Variants in CUL2 observed in about 807,000 individuals in gnomAD.
CUL2 encodes cullin-2.
A neutral mutation model predicts 110.2 loss-of-function variants in CUL2; 22 were observed. That is an observed-to-expected ratio of 0.20 (90% CI 0.14 to 0.28). CUL2 has a LOEUF of 0.28. Among genes scored for constraint, CUL2 ranks in the 10% least tolerant of loss-of-function variants. The probability of loss-of-function intolerance (pLI) is 1.00; values close to 1 mark genes in which losing one functional copy is unlikely to be tolerated. For missense variants in CUL2, 631 were observed against 905.5 expected (o/e 0.70, Z 3.89); for synonymous variants, 279 against 293.2 (o/e 0.95, Z 0.49).
At chr10:35,014,488 A>C (rs2084978712) in intron 18 of CUL2, among the ~76,000 whole-genome samples, 1 of 152,186 alleles carries the variant, frequency 6.6e-6, no homozygotes, top group African/African-American at 2.4e-5. Context: ...AAGATGAAAT[A>C]ATTCTCAATA....
chr10:35,049,599 C>T (rs1300245186), intron 6 of CUL2, 84 bp downstream of exon 6: 8 of 1,081,624 alleles, frequency 7.4e-6, no homozygotes, highest in African/African-American at 1.6e-5. Flanking sequence ...AGGCTAGTCA[C>T]TGGCTCTGCA....
chr10:35,071,037 A>T (rs752298963), intron 2 of CUL2, among the ~76,000 whole-genome samples, 162 bp downstream of exon 2: 1 of 152,230 alleles, frequency 6.6e-6, no homozygotes, highest in Non-Finnish European at 1.5e-5. Flanking sequence ...AGGTTATCAA[A>T]TACTGATTGC....
chr10:35,074,401 T>C (rs2086762362), intron 1 of CUL2: 2 of 621,380 alleles, frequency 3.2e-6, no homozygotes. Flanking sequence ...CACTTGCCTT[T>C]ACCCTTACTA....
chr10:35,047,622 A>AAC (rs2085978381), intron 6 of CUL2, among the ~76,000 whole-genome samples: 2 of 150,280 alleles, frequency 1.3e-5, no homozygotes, highest in African/African-American at 4.9e-5. Flanking sequence ...AAAAAAAAAA[A>AAC]ATACAGGCAT....
Position 35,025,043 on chromosome 10 carries a change from C to T in CUL2, c.1684+89G>A, listed in dbSNP as rs1213770686. On this transcript the variant is annotated intron_variant, in intron 17 of 20. Coordinates refer to ENST00000374749, the MANE Select transcript of CUL2 (RefSeq NM_003591.4). ...TTGATGGAGGAGAAAAGGTTAAAAA[C>T]TGTAATTGGGCCATAGAAAACCTCT... The T allele has an allele frequency of 5.1e-6, 7 of 1,365,162 alleles. No homozygotes were observed. In the East Asian group the frequency reaches 1.9e-4, roughly 38 times the overall value. The allele number at this position is 1,365,162 out of a possible 1,614,324, so 84.6% of individuals were successfully genotyped here. A position where few individuals can be genotyped will look rare whatever the true frequency, so the allele number is the denominator to read the frequency against.
intron 18 of CUL2, among the ~76,000 whole-genome samples, chr10:35,015,105 C>T (rs2084993380): frequency 6.6e-6 from 1 of 151,946 alleles, no homozygotes; most frequent in Non-Finnish European, 1.5e-5. Context: ...ACCAGCCTGG[C>T]CAACATTGTG....
intron 4 of CUL2, among the ~76,000 whole-genome samples, chr10:35,057,601 C>G (rs1319730736): frequency 1.4e-5 from 2 of 144,320 alleles, no homozygotes; most frequent in East Asian, 2.0e-4. Context: ...TGCAGTGAGC[C>G]GAGATCGTGC....
At chr10:35,077,398 TGAG>T (rs1158279820) in intron 1 of CUL2, among the ~76,000 whole-genome samples, 2 of 151,332 alleles carry the variant, frequency 1.3e-5, no homozygotes, top group Non-Finnish European at 2.9e-5. Flanking sequence ...CTCAAGAGGC[TGAG>T]GAGGAGAATC....
chr10:35,117,121 A>T (rs556089387), intron 1 of CUL2, among the ~76,000 whole-genome samples: 14 of 152,322 alleles, frequency 9.2e-5, no homozygotes, highest in African/African-American at 3.1e-4. Flanking sequence ...AGGACAAAAA[A>T]CTGGTCCAAA....
At position 35,090,193 on chromosome 10, in the gene CUL2, G is replaced by A. The variant is rs1163128575; in HGVS notation, c.-37C>T. The stretch of plus-strand genomic sequence containing the variant: ...AGCGGGGTTACCTTCTGCAGAAGCA[G>A]GGCAAGGGGCAGGGGACAAGGGGAG... On this transcript the variant is annotated 5_prime_UTR_variant, in exon 1 of 21. Coordinates refer to ENST00000374749, the MANE Select transcript of CUL2 (RefSeq NM_003591.4). 4 of 153,040 alleles carry A rather than the reference G, an allele frequency of 2.6e-5. No individual in the cohort carries two copies. Among genetic ancestry groups the A allele is most frequent in the African/African-American group, 7.2e-5 (3 of 41,456 alleles). The allele number at this position is 153,040 out of a possible 1,614,324, so 9.5% of individuals were successfully genotyped here. A position where few individuals can be genotyped will look rare whatever the true frequency, so the allele number is the denominator to read the frequency against.
At chr10:35,071,590 A>G (rs749417640) in intron 1 of CUL2, among the ~76,000 whole-genome samples, 7 of 151,900 alleles carry the variant, frequency 4.6e-5, no homozygotes, top group Non-Finnish European at 1.0e-4. Context: ...ATTTTTTTTT[A>G]GTAGAGACGG....
chr10:35,097,902 T>G (rs1027308243), intron 2 of CUL2: 1 of 152,036 alleles, frequency 6.6e-6, no homozygotes, highest in Non-Finnish European at 1.5e-5. Flanking sequence ...GAGGTTGCAG[T>G]GAGCCACAAT....
rs2085501292 is a variant in CUL2, at chr10:35,032,420, AACC to A, written c.1170+12_1170+14del. ...ACTTTTCATAAGATTACTTTTCAGCAACCACCAAACTTACCAGTTCAGGTGCTT... is the reference window on the plus strand; with the variant it reads ...ACTTTTCATAAGATTACTTTTCAGCAACCAAACTTACCAGTTCAGGTGCTT... On this transcript the variant is annotated intron_variant, in intron 12 of 20. Transcript: ENST00000374749. The A allele has an allele frequency of 6.3e-7, 1 of 1,583,368 alleles. No homozygotes were observed. The highest frequency in any genetic ancestry group is 8.6e-7 in the Non-Finnish European group (1 of 1,169,296).
At chr10:35,032,338 A>G in intron 12 of CUL2, 97 bp downstream of exon 12, 1 of 1,068,176 alleles carries the variant, frequency 9.4e-7, no homozygotes, top group Admixed American at 2.4e-5. Flanking sequence ...ATTTTTCTGA[A>G]AAATGCTACA....
intron 2 of CUL2, among the ~76,000 whole-genome samples, chr10:35,066,163 C>T (rs1055784305): frequency 1.3e-5 from 2 of 151,726 alleles, no homozygotes; most frequent in Non-Finnish European, 2.9e-5. Flanking sequence ...CTCTATTATG[C>T]CATGGGTCAA....
At chr10:35,089,871 T>G (rs1286781485) in intron 1 of CUL2, 1 of 151,800 alleles carries the variant, frequency 6.6e-6, no homozygotes, top group Non-Finnish European at 1.5e-5. Flanking sequence ...CACGTAAATA[T>G]GTAGAAGAAT....
chr10:35,096,991 G>A (rs181447892), intron 2 of CUL2, among the ~76,000 whole-genome samples: 298 of 151,952 alleles, frequency 2.0e-3, no homozygotes, highest in African/African-American at 6.6e-3. Flanking sequence ...TGTATTTTTC[G>A]TAGAGACGGG....
At chr10:35,068,088 C>T (rs1251496558) in intron 2 of CUL2, among the ~76,000 whole-genome samples, 1 of 138,648 alleles carries the variant, frequency 7.2e-6, no homozygotes, top group African/African-American at 2.7e-5. Flanking sequence ...CTAGCCTGGG[C>T]GACAGAGCGA....
At chr10:35,056,506 C>T (rs1304946781) in intron 4 of CUL2, among the ~76,000 whole-genome samples, 3 of 152,108 alleles carry the variant, frequency 2.0e-5, no homozygotes, top group African/African-American at 4.8e-5. Context: ...AAAGGTCAAT[C>T]GGCTCCTAAG....
Sources: allele counts gnomAD v4.1 joint callset (sites outside exome capture counted in the v4.1 genomes callset), GRCh38; gene constraint gnomAD v4.1.1; transcripts MANE v1.5; gene names NCBI Gene and HGNC (gene_info 2026-07-23, HGNC 2026-07-21).